Variants in WFDC10A observed in about 807,000 individuals in gnomAD.
WFDC10A encodes WAP four-disulfide core domain protein 10A.
In WFDC10A, 2 loss-of-function variants were observed where a neutral mutation model predicts 2.6. The observed-to-expected ratio is 0.76, with a 90% CI of 0.31 to 2.40. The LOEUF is 2.40. WFDC10A is among the 30% of genes most tolerant of loss of function. WFDC10A has a pLI of 0.12. For missense variants in WFDC10A, 84 were observed against 91.8 expected, an observed-to-expected ratio of 0.92 and a Z score of 0.35; for synonymous variants, 36 against 36.3, an observed-to-expected ratio of 0.99 and a Z score of 0.03.
intron 1 of WFDC10A, among the ~76,000 whole-genome samples, chr20:45,630,293 T>C (rs2425723): frequency 0.35 from 53,470 of 151,576 alleles, 9,521 homozygotes; most frequent in Middle Eastern, 0.44. Flanking sequence ...GTAGAATGGG[T>C]ATAAGTGTAG....
rs559951285 is a variant in WFDC10A, at chr20:45,630,381, T to A, written c.91+477T>A. On this transcript the variant is annotated intron_variant, in intron 1 of 1. Coordinates refer to ENST00000372643, the MANE Select transcript of WFDC10A (RefSeq NM_080753.3). ...GTTATCATCAAAGGGGCAAGGAGAG[T>A]GGTGGTGGAAAGGGAACTAAAGAAG... is the stretch of plus-strand genomic sequence containing the variant. Among the ~76,000 whole-genome samples, 115 of 150,196 alleles carry A rather than the reference T, an allele frequency of 7.7e-4. No homozygotes were observed. The South Asian group carries it at 0.011, about 15-fold the overall frequency.
chr20:45,629,759 C>CA lies in WFDC10A; in HGVS notation c.-54dup. 2 of 1,585,412 alleles carry CA rather than the reference C, an allele frequency of 1.3e-6. No individual in the cohort carries two copies. The highest frequency in any genetic ancestry group is 1.7e-6 in the Non-Finnish European group (2 of 1,163,328). ...CCTTCACTCTCCGTAGACAGCTCTG[C>CA]AGGGAAGTCTGTGACAACCTGGCCA... On this transcript the variant is annotated 5_prime_UTR_variant, in exon 1 of 2. Transcript: ENST00000372643.
rs755380984 is a variant in WFDC10A at position 45,631,027 on chromosome 20, G to C, written c.*9G>C. 2 of 1,589,936 alleles carry C rather than the reference G, an allele frequency of 1.3e-6. No individual in the cohort carries two copies. Among genetic ancestry groups the C allele is most frequent in the Non-Finnish European group, 1.7e-6 (2 of 1,168,316 alleles). On this transcript the variant is annotated 3_prime_UTR_variant, in exon 2 of 2. Transcript: ENST00000372643. ...GCATGAGCATCCTGTGAGTGGGAGA[G>C]TGGGCTGGGATGTGCATCCTGCTTC...
intron 1 of WFDC10A, 141 bp from the exon 2 acceptor site, chr20:45,630,729 G>A: frequency 2.1e-6 from 2 of 935,292 alleles, no homozygotes; most frequent in East Asian, 2.9e-5. Context: ...TTGGTGATGG[G>A]CAGGAAGGTA....
chr20:45,631,106 C>CA lies in WFDC10A; in HGVS notation c.*89dup. ...CATCCGAAGCACAAGGACCTCAAGT[C>CA]ACCAGCATAAGAACATCAACAGGAA... On this transcript the variant is annotated 3_prime_UTR_variant, in exon 2 of 2. Transcript: ENST00000372643. The CA allele has an allele frequency of 7.0e-7, 1 of 1,428,782 alleles. No homozygotes were observed. The highest frequency in any genetic ancestry group is 9.3e-7 in the Non-Finnish European group (1 of 1,076,300). 88.5% of individuals were successfully genotyped at this position (1,428,782 alleles called of 1,614,324 possible).
Position 45,629,971 on chromosome 20 carries a change from T to G in WFDC10A, c.91+67T>G, listed in dbSNP as rs1600926143. The stretch of plus-strand genomic sequence containing the variant: ...GGGGGAATGGAGGGCCTGTGTCCAG[T>G]CTGAGTAGGACCTAGGAGTTGGAAA... On this transcript the variant is annotated intron_variant, in intron 1 of 1. Transcript: ENST00000372643. 12 of 1,581,888 alleles carry G rather than the reference T, an allele frequency of 7.6e-6. No individual in the cohort carries two copies. The East Asian group carries it at 2.7e-4, about 36-fold the overall frequency.
Position 45,629,793 on chromosome 20 carries a change from G to A in WFDC10A, c.-21G>A, listed in dbSNP as rs1241668150. ...CTGTGACAACCTGGCCAGACATAGG[G>A]CTCACGATCTGATCAGAGTCATGGC... On this transcript the variant is annotated 5_prime_UTR_variant, in exon 1 of 2. Transcript: ENST00000372643. The A allele has an allele frequency of 6.2e-7, 1 of 1,611,118 alleles. No homozygotes were observed. Among genetic ancestry groups the A allele is most frequent in the African/African-American group, 1.3e-5 (1 of 74,888 alleles).
In WFDC10A at chr20:45,630,938, T is replaced by C. The variant is rs374193789; in HGVS notation, c.160T>C (p.Cys54Arg). 17 of 1,612,692 alleles carry C rather than the reference T, an allele frequency of 1.1e-5. No homozygotes were observed. Among genetic ancestry groups the C allele is most frequent in the Middle Eastern group, 1.6e-4 (1 of 6,078 alleles). ...QPKLYLCKHL[C>R]ESHRDCQANN... is the part of the protein sequence containing the mutation. The stretch of plus-strand genomic sequence containing the variant: ...TAAACTATATCTATGCAAACACTTA[T>C]GTGAATCTCACCGAGATTGTCAAGC... Residue 54 changes from cysteine (C) to arginine (R), a missense_variant, in exon 2 of 2, where the codon TGT (cysteine) becomes CGT (arginine). Physicochemically the swap from Cys to Arg is radical, Grantham distance 180. Coordinates refer to ENST00000372643, the MANE Select transcript of WFDC10A (RefSeq NM_080753.3).
intron 1 of WFDC10A, 95 bp from the exon 2 acceptor site, chr20:45,630,769 ATGACTG>A: frequency 7.6e-7 from 1 of 1,310,394 alleles, no homozygotes. Flanking sequence ...CAGGAGTATC[ATGACTG>A]AGACCTGGGT....
intron 1 of WFDC10A, 144 bp from the exon 2 acceptor site, chr20:45,630,726 T>G: frequency 2.2e-6 from 2 of 906,628 alleles, no homozygotes. Context: ...GATTTGGTGA[T>G]GGGCAGGAAG....
intron 1 of WFDC10A, 97 bp downstream of exon 1, chr20:45,630,001 C>T: frequency 6.7e-7 from 1 of 1,497,590 alleles, no homozygotes; most frequent in Admixed American, 2.0e-5. Context: ...TGGAAACTCT[C>T]TGCATATCCA....
At chr20:45,629,948 G>A (rs2145604738) in intron 1 of WFDC10A, 44 bp downstream of exon 1, 2 of 1,603,272 alleles carry the variant, frequency 1.2e-6, no homozygotes, top group Non-Finnish European at 1.7e-6. Context: ...ATTGGGTAGG[G>A]GGAATGGAGG....
At chr20:45,630,655 T>C (rs1487794104) in intron 1 of WFDC10A, among the ~76,000 whole-genome samples, 2 of 152,068 alleles carry the variant, frequency 1.3e-5, no homozygotes, top group Non-Finnish European at 2.9e-5. Flanking sequence ...CCAGGCATTG[T>C]GGTCTAATGG....
At chr20:45,630,209 G>A (rs1982324782) in intron 1 of WFDC10A, among the ~76,000 whole-genome samples, 1 of 149,892 alleles carries the variant, frequency 6.7e-6, no homozygotes, top group Non-Finnish European at 1.5e-5. Flanking sequence ...GGGAAAGCAA[G>A]ACAATTATTA....
chr20:45,630,116 C>A (rs1282356200), intron 1 of WFDC10A, among the ~76,000 whole-genome samples: 1 of 152,308 alleles, frequency 6.6e-6, no homozygotes. Context: ...AAGAAACCTG[C>A]ATATTTTGCT....
rs1298255399 is a variant in WFDC10A, at chr20:45,629,765, A to T, written c.-49A>T. 1 of 1,592,548 alleles carries T rather than the reference A, an allele frequency of 6.3e-7. No individual in the cohort carries two copies. Among genetic ancestry groups the T allele is most frequent in the South Asian group, 1.1e-5 (1 of 88,662 alleles). Reference sequence around the variant, plus strand: ...CTCTCCGTAGACAGCTCTGCAGGGAAGTCTGTGACAACCTGGCCAGACATA... The same window carrying T: ...CTCTCCGTAGACAGCTCTGCAGGGATGTCTGTGACAACCTGGCCAGACATA... On this transcript the variant is annotated 5_prime_UTR_variant, in exon 1 of 2. The change creates a new upstream start codon in the 5' untranslated region. Transcript: ENST00000372643.
rs373388942 is a variant in WFDC10A at position 45,631,135 on chromosome 20, C to T, written c.*117C>T. On this transcript the variant is annotated 3_prime_UTR_variant, in exon 2 of 2. Transcript: ENST00000372643. ...AGCATAAGAACATCAACAGGAATGC[C>T]GCCCTCTCTACTGTCTGAACCCCTT... 20 of 1,220,412 alleles carry T rather than the reference C, an allele frequency of 1.6e-5. No individual in the cohort carries two copies. Among genetic ancestry groups the T allele is most frequent in the Admixed American group, 5.9e-5 (2 of 33,990 alleles). 75.6% of individuals were successfully genotyped at this position (1,220,412 alleles called of 1,614,324 possible).
chr20:45,631,163 C>T lies in WFDC10A; in HGVS notation c.*145C>T. The T allele has an allele frequency of 1.1e-6, 1 of 903,062 alleles. No homozygotes were observed. The highest frequency in any genetic ancestry group is 1.5e-6 in the Non-Finnish European group (1 of 656,330). 55.9% of individuals were successfully genotyped at this position (903,062 alleles called of 1,614,324 possible). A position where few individuals can be genotyped will look rare whatever the true frequency, so the allele number is the denominator to read the frequency against. On this transcript the variant is annotated 3_prime_UTR_variant, in exon 2 of 2. Transcript: ENST00000372643. The stretch of plus-strand genomic sequence containing the variant: ...CCTCTCTACTGTCTGAACCCCTTGT[C>T]CCTGTCAAATAAACCAGAACAAATG...
In WFDC10A at chr20:45,631,113, A is replaced by G. The variant is rs922460675; in HGVS notation, c.*95A>G. ...AGCACAAGGACCTCAAGTCACCAGC[A>G]TAAGAACATCAACAGGAATGCCGCC... On this transcript the variant is annotated 3_prime_UTR_variant, in exon 2 of 2. Coordinates refer to ENST00000372643, the MANE Select transcript of WFDC10A (RefSeq NM_080753.3). The G allele has an allele frequency of 1.4e-6, 2 of 1,397,990 alleles. No individual in the cohort carries two copies. The highest frequency in any genetic ancestry group is 1.9e-6 in the Non-Finnish European group (2 of 1,053,598). The allele number at this position is 1,397,990 out of a possible 1,614,324, so 86.6% of individuals were successfully genotyped here.
Sources: allele counts gnomAD v4.1 joint callset (sites outside exome capture counted in the v4.1 genomes callset), GRCh38; gene constraint gnomAD v4.1.1; transcripts MANE v1.5; gene names NCBI Gene and HGNC (gene_info 2026-07-23, HGNC 2026-07-21).